The following TRAPPC6A variants were observed in gnomAD, a reference collection of about 807,000 sequenced individuals.
The protein encoded by TRAPPC6A is TRAPP complex subunit 6A.
A neutral mutation model predicts 20.8 loss-of-function variants in TRAPPC6A; 25 were observed. The observed-to-expected ratio is 1.20, with a 90% CI of 0.88 to 1.68. The LOEUF (loss-of-function observed/expected upper bound fraction) is 1.68. TRAPPC6A is among the 40% of genes most tolerant of loss of function. The probability of loss-of-function intolerance (pLI) is 0.00; values close to 1 mark genes in which losing one functional copy is unlikely to be tolerated. For synonymous variants in TRAPPC6A, 96 were observed against 93.3 expected (o/e 1.03, Z -0.16); for missense variants, 215 against 211.6 (o/e 1.02, Z -0.10).
rs191537319 is a variant in TRAPPC6A at position 45,167,487 on chromosome 19, C to A, written c.85-2293G>T. ...GGCGCAGTGGCTCACTCCTGTAATT[C>A]CAGCACTTTGGGAGGTCGGAGTTTC... On this transcript the variant is annotated intron_variant, in intron 1 of 5. Transcript: ENST00000585934. Among the ~76,000 whole-genome samples the A allele has an allele frequency of 2.6e-5, 4 of 152,270 alleles. No homozygotes were observed. The East Asian group carries it at 7.7e-4, about 29-fold the overall frequency.
At chr19:45,167,280 C>T (rs1969176469) in intron 1 of TRAPPC6A, among the ~76,000 whole-genome samples, 1 of 152,102 alleles carries the variant, frequency 6.6e-6, no homozygotes, top group Non-Finnish European at 1.5e-5. Flanking sequence ...TGGCTTTAAG[C>T]AAAATGACAT....
At chr19:45,174,759 T>C (rs898618349) in intron 1 of TRAPPC6A, among the ~76,000 whole-genome samples, 2 of 151,296 alleles carry the variant, frequency 1.3e-5, no homozygotes, top group African/African-American at 4.9e-5. Context: ...AGCCCAGGAG[T>C]GTGAGGCTAC....
At chr19:45,168,179 A>C (rs1221380344) in intron 1 of TRAPPC6A, among the ~76,000 whole-genome samples, 3 of 151,404 alleles carry the variant, frequency 2.0e-5, no homozygotes, top group Non-Finnish European at 1.5e-5. Context: ...ATTTTTTTGT[A>C]TTTTTAGCAG....
At chr19:45,175,087 C>CT (rs1222916201) in intron 1 of TRAPPC6A, among the ~76,000 whole-genome samples, 1 of 151,570 alleles carries the variant, frequency 6.6e-6, no homozygotes, top group Non-Finnish European at 1.5e-5. Flanking sequence ...CAGTGAAACT[C>CT]TGTCTCTACT....
At chr19:45,174,800 G>C (rs1451904197) in intron 1 of TRAPPC6A, among the ~76,000 whole-genome samples, 1 of 151,990 alleles carries the variant, frequency 6.6e-6, no homozygotes, top group African/African-American at 2.4e-5. Flanking sequence ...CTGCACTCCG[G>C]CTTGGGTGAC....
chr19:45,167,993 CTTTTT>C (rs968943946), intron 1 of TRAPPC6A, among the ~76,000 whole-genome samples: 85 of 99,986 alleles, frequency 8.5e-4, no homozygotes, highest in African/African-American at 3.2e-3. Flanking sequence ...AAGACCCTGT[CTTTTT>C]TTTTTTTTTT....
chr19:45,164,856 G>C lies in TRAPPC6A; in HGVS notation c.267C>G (p.His89Gln). The change falls in exon 3 of 6, where the codon CAC (histidine) becomes CAG (glutamine). Residue 89 changes from histidine (H) to glutamine (Q), a missense_variant. Physicochemically the swap from His to Gln is conservative, Grantham distance 24 (BLOSUM62 0). Coordinates refer to ENST00000585934, the MANE Select transcript of TRAPPC6A (RefSeq NM_001270891.2). Reference protein sequence around the residue: ...QKQMDSLRTNHQGTYVLQDNS... With the variant: ...QKQMDSLRTNQQGTYVLQDNS... ...GGGCAGGCCGGGGTGCTCCCACCTG[G>C]TGATTGGTGCGCAGGCTGTCCATCT... is the stretch of plus-strand genomic sequence containing the variant. 6.2e-7 allele frequency: 1 copy of C among 1,613,834 alleles called. No homozygotes were observed. The highest frequency in any genetic ancestry group is 1.1e-5 in the South Asian group (1 of 91,080).
chr19:45,177,436 G>T (rs938065373), intron 1 of TRAPPC6A, among the ~76,000 whole-genome samples: 1 of 152,022 alleles, frequency 6.6e-6, no homozygotes, highest in African/African-American at 2.4e-5. Flanking sequence ...CGCCTCCCAG[G>T]TTCAAGCCAT....
chr19:45,165,168 C>A lies in TRAPPC6A; in HGVS notation c.111G>T (p.Leu37=). Residue 37 remains leucine (L), a synonymous_variant, in exon 2 of 6, where the codon CTG becomes CTT. Coordinates refer to ENST00000585934, the MANE Select transcript of TRAPPC6A (RefSeq NM_001270891.2). Reference sequence around the variant, plus strand: ...GGCCCACACGGAACCCCATACCCTCCAGGACCGACAGGCTCATCTTCTGTC... The same window carrying A: ...GGCCCACACGGAACCCCATACCCTCAAGGACCGACAGGCTCATCTTCTGTC... ...PGGQKMSLSV[L]EGMGFRVGQA... 6.2e-7 allele frequency: 1 copy of A among 1,608,058 alleles called. No homozygotes were observed. Among genetic ancestry groups the A allele is most frequent in the East Asian group, 2.3e-5 (1 of 44,092 alleles).
In TRAPPC6A at chr19:45,171,517, G is replaced by A. The variant is rs142924671; in HGVS notation, c.85-6323C>T. 3.9e-4 allele frequency among the ~76,000 whole-genome samples: 59 copies of A among 152,338 alleles called. 2 individuals are homozygous for A. The East Asian group carries it at 0.011, about 27-fold the overall frequency. ...CGGTGCTAATGACATCCACCACACAGGAAGGATCAATCAGACACAAAGCAG... is the reference window on the plus strand; with the variant it reads ...CGGTGCTAATGACATCCACCACACAAGAAGGATCAATCAGACACAAAGCAG... On this transcript the variant is annotated intron_variant, in intron 1 of 5. Coordinates refer to ENST00000585934, the MANE Select transcript of TRAPPC6A (RefSeq NM_001270891.2).
chr19:45,165,259 G>C, intron 1 of TRAPPC6A, 65 bp from the exon 2 acceptor site: 1 of 1,500,756 alleles, frequency 6.7e-7, no homozygotes, highest in Non-Finnish European at 9.1e-7. Flanking sequence ...CCACCCAGGG[G>C]GGGACCTGCC....
At chr19:45,167,017 T>G (rs887640230) in intron 1 of TRAPPC6A, among the ~76,000 whole-genome samples, 9 of 152,142 alleles carry the variant, frequency 5.9e-5, no homozygotes, top group African/African-American at 2.2e-4. Context: ...TTCTGAGCCT[T>G]TGTACCGACT....
chr19:45,166,893 G>T (rs1015610293), intron 1 of TRAPPC6A, among the ~76,000 whole-genome samples: 1 of 152,108 alleles, frequency 6.6e-6, no homozygotes, highest in Non-Finnish European at 1.5e-5. Flanking sequence ...GCCCTGGAGC[G>T]GGTCTCCCAG....
At chr19:45,171,170 C>T (rs946458717) in intron 1 of TRAPPC6A, among the ~76,000 whole-genome samples, 1 of 152,164 alleles carries the variant, frequency 6.6e-6, no homozygotes, top group Non-Finnish European at 1.5e-5. Context: ...GGCGTGGTGG[C>T]GCACGCCTAT....
rs144400437 is a variant in TRAPPC6A at position 45,165,131 on chromosome 19, C to T, written c.148G>A (p.Glu50Lys). Residue 50 changes from glutamate (E) to lysine (K), a missense_variant, in exon 2 of 6, where the codon GAG becomes AAG. Physicochemically the swap from Glu to Lys is moderately conservative, Grantham distance 56 (BLOSUM62 1). Transcript: ENST00000585934. ...MGFRVGQALG[E>K]RLPRETLAFR... is the part of the protein sequence containing the mutation. ...AGCAGGAGGGGCCGCGCTCACCTCT[C>T]GCCTAGAGCCTGGCCCACACGGAAC... 1.6e-5 allele frequency: 26 copies of T among 1,611,900 alleles called. No homozygotes were observed. Among genetic ancestry groups the T allele is most frequent in the African/African-American group, 5.3e-5 (4 of 74,954 alleles).
rs541242578 is a variant in TRAPPC6A at position 45,173,578 on chromosome 19, G to C, written c.84+4557C>G. Among the ~76,000 whole-genome samples the C allele has an allele frequency of 6.6e-6, 1 of 152,174 alleles. No individual in the cohort carries two copies. Among genetic ancestry groups the C allele is most frequent in the Non-Finnish European group, 1.5e-5 (1 of 68,034 alleles). ...GCACAGGGTCCCTCCTCTGTGAATC[G>C]GGAGGGCTGTCCTGAGGACTAAATG... is the stretch of plus-strand genomic sequence containing the variant. On this transcript the variant is annotated intron_variant, in intron 1 of 5. Transcript: ENST00000585934. The surrounding 1 kb of genome is among the most constrained non-coding windows in gnomAD (Gnocchi z 4.8).
intron 1 of TRAPPC6A, among the ~76,000 whole-genome samples, chr19:45,165,993 C>A (rs1164463316): frequency 6.6e-6 from 1 of 152,200 alleles, no homozygotes; most frequent in Middle Eastern, 3.4e-3. Context: ...CTCACTGCAA[C>A]CTCCGCCTCC....
At chr19:45,171,306 C>CAA (rs1173177758) in intron 1 of TRAPPC6A, among the ~76,000 whole-genome samples, 1 of 148,500 alleles carries the variant, frequency 6.7e-6, no homozygotes, top group Non-Finnish European at 1.5e-5. Flanking sequence ...AGTCACAAAA[C>CAA]AAAACAAAAC....
intron 1 of TRAPPC6A, among the ~76,000 whole-genome samples, chr19:45,165,582 C>G (rs940681396): frequency 2.0e-5 from 3 of 152,194 alleles, no homozygotes; most frequent in African/African-American, 7.2e-5. Flanking sequence ...GTGGGCGCTG[C>G]GACTCCACCA....
Sources: allele counts gnomAD v4.1 joint callset (sites outside exome capture counted in the v4.1 genomes callset), GRCh38; gene constraint gnomAD v4.1.1; non-coding constraint Gnocchi (gnomAD v3.1); transcripts MANE v1.5; gene names NCBI Gene and HGNC (gene_info 2026-07-23, HGNC 2026-07-21).